Variants in CCDC178 observed in about 807,000 individuals in gnomAD.
CCDC178 encodes coiled-coil domain-containing protein 178.
In CCDC178, 126 loss-of-function variants were observed where a neutral mutation model predicts 117.4. That is an observed-to-expected ratio of 1.07 (90% CI 0.93 to 1.24). The LOEUF (loss-of-function observed/expected upper bound fraction) is 1.24. Ranked by LOEUF, CCDC178 falls within the 50% of genes most tolerant of loss-of-function variation. The probability of loss-of-function intolerance (pLI) is 0.00; values close to 1 mark genes in which losing one functional copy is unlikely to be tolerated. For missense variants in CCDC178, 1,030 were observed against 986.9 expected (o/e 1.04, Z -0.59); for synonymous variants, 283 against 313.4 (o/e 0.90, Z 1.02).
intron 17 of CCDC178, 84 bp from the exon 18 acceptor site, chr18:33,223,303 T>G (rs983344117): frequency 4.4e-6 from 6 of 1,361,334 alleles, no homozygotes; most frequent in Non-Finnish European, 5.8e-6. Context: ...AAGTGACTAT[T>G]TTAATAACAA....
At chr18:33,374,940 TTG>T (rs2063344887) in intron 5 of CCDC178, among the ~76,000 whole-genome samples, 1 of 151,940 alleles carries the variant, frequency 6.6e-6, no homozygotes, top group Non-Finnish European at 1.5e-5. Context: ...CATACTGGAG[TTG>T]TGGGAGTGAG....
At position 33,212,071 on chromosome 18, in the gene CCDC178, TC is replaced by T; in HGVS notation, c.2079-17del. 1 of 1,544,990 alleles carries T rather than the reference TC, an allele frequency of 6.5e-7. No homozygotes were observed. The highest frequency in any genetic ancestry group is 8.7e-7 in the Non-Finnish European group (1 of 1,145,550). Reference sequence around the variant, plus strand: ...AAATTTGTTCCTGTGAAGAAAGAATTCCATGTGCCACTAATCAATTCACATT... The same window carrying T: ...AAATTTGTTCCTGTGAAGAAAGAATTCATGTGCCACTAATCAATTCACATT... On this transcript the variant is annotated splice_polypyrimidine_tract_variant and intron_variant, in intron 19 of 22. Transcript: ENST00000383096.
chr18:32,943,846 AT>A (rs1215210334), intron 22 of CCDC178, among the ~76,000 whole-genome samples: 4 of 152,252 alleles, frequency 2.6e-5, no homozygotes, highest in Non-Finnish European at 5.9e-5. Context: ...ACATATTAAG[AT>A]TCAACCAGAT....
At chr18:32,941,439 C>G (rs1346954338) in intron 22 of CCDC178, among the ~76,000 whole-genome samples, 1 of 152,030 alleles carries the variant, frequency 6.6e-6, no homozygotes, top group South Asian at 2.1e-4. Flanking sequence ...CATGATCTTT[C>G]AGGAGTGTTG....
intron 21 of CCDC178, among the ~76,000 whole-genome samples, chr18:33,027,238 A>C (rs1303653834): frequency 2.0e-5 from 3 of 151,862 alleles, no homozygotes; most frequent in Non-Finnish European, 4.4e-5. Flanking sequence ...AAAAGAATAA[A>C]TAACTAACAA....
At chr18:33,323,659 T>C (rs763857833) in intron 10 of CCDC178, 26 bp from the exon 11 acceptor site, 2 of 1,364,006 alleles carry the variant, frequency 1.5e-6, no homozygotes, top group African/African-American at 1.5e-5. Flanking sequence ...TTTTTGCTTA[T>C]ATTTGCACTT....
At chr18:33,297,857 C>T (rs556109563) in intron 11 of CCDC178, among the ~76,000 whole-genome samples, 29 of 152,040 alleles carry the variant, frequency 1.9e-4, no homozygotes, top group African/African-American at 4.6e-4. Context: ...CTGGCTAACA[C>T]GGTGAAACCC....
At chr18:33,108,732 G>A (rs2057740055) in intron 20 of CCDC178, among the ~76,000 whole-genome samples, 1 of 151,592 alleles carries the variant, frequency 6.6e-6, no homozygotes. Flanking sequence ...AGGTACAAAA[G>A]TCTCTCTAGC....
chr18:32,981,305 T>A (rs2144715385), intron 21 of CCDC178, among the ~76,000 whole-genome samples: 1 of 152,216 alleles, frequency 6.6e-6, no homozygotes, highest in South Asian at 2.1e-4. Flanking sequence ...ATTAAAAAAA[T>A]TGGAATGGTA....
At chr18:33,386,890 A>T (rs1222776278) in intron 5 of CCDC178, among the ~76,000 whole-genome samples, 1 of 152,170 alleles carries the variant, frequency 6.6e-6, no homozygotes, top group Non-Finnish European at 1.5e-5. Context: ...GGGAAAAAAT[A>T]AAGGGTATTC....
chr18:32,975,443 A>T (rs1352570851), intron 21 of CCDC178, among the ~76,000 whole-genome samples: 1 of 152,222 alleles, frequency 6.6e-6, no homozygotes, highest in African/African-American at 2.4e-5. Context: ...AAAAGAAAAC[A>T]GTGGACGTTT....
chr18:33,108,903 A>G (rs1202537965), intron 20 of CCDC178, among the ~76,000 whole-genome samples: 2 of 151,678 alleles, frequency 1.3e-5, no homozygotes, highest in Non-Finnish European at 3.0e-5. Flanking sequence ...GAAATTATAA[A>G]AAAATTCAGC....
At chr18:33,342,491 A>T (rs964212574) in intron 9 of CCDC178, among the ~76,000 whole-genome samples, 1 of 152,198 alleles carries the variant, frequency 6.6e-6, no homozygotes, top group South Asian at 2.1e-4. Flanking sequence ...CCCAATCTCA[A>T]CTGGAATTGT....
At chr18:33,409,157 G>A (rs1287180218) in intron 3 of CCDC178, among the ~76,000 whole-genome samples, 8 of 152,090 alleles carry the variant, frequency 5.3e-5, no homozygotes, top group South Asian at 4.1e-4. Flanking sequence ...GTGCAGAGCC[G>A]CATGCGACAT....
chr18:33,248,961 A>C lies in CCDC178; in HGVS notation c.1410-3533T>G, dbSNP rs530313418. Among the ~76,000 whole-genome samples, 6 of 152,178 alleles carry C rather than the reference A, an allele frequency of 3.9e-5. No homozygotes were observed. The South Asian group carries it at 1.0e-3, about 26-fold the overall frequency. Reference sequence around the variant, plus strand: ...TTGACTTTTTAATGATCGCCATTCTAACTGGTGTGAGATGGTATCACATTG... The same window carrying C: ...TTGACTTTTTAATGATCGCCATTCTCACTGGTGTGAGATGGTATCACATTG... On this transcript the variant is annotated intron_variant, in intron 14 of 22. Transcript: ENST00000383096.
intron 21 of CCDC178, among the ~76,000 whole-genome samples, chr18:33,031,031 C>A (rs1336147263): frequency 1.3e-5 from 2 of 151,942 alleles, no homozygotes; most frequent in Non-Finnish European, 2.9e-5. Flanking sequence ...GTCCTGGAGT[C>A]CAAAACCTGG....
intron 20 of CCDC178, among the ~76,000 whole-genome samples, chr18:33,152,407 G>A (rs775105869): frequency 2.6e-5 from 4 of 151,796 alleles, no homozygotes; most frequent in Non-Finnish European, 5.9e-5. Context: ...GACTTTCTTT[G>A]AATAATGAGA....
intron 5 of CCDC178, among the ~76,000 whole-genome samples, chr18:33,382,252 T>C (rs559739423): frequency 1.1e-4 from 17 of 152,282 alleles, no homozygotes; most frequent in Admixed American, 2.0e-4. Context: ...CCAATAGATA[T>C]ATGTATACAT....
At chr18:32,994,826 T>A (rs1279146762) in intron 21 of CCDC178, among the ~76,000 whole-genome samples, 1 of 152,204 alleles carries the variant, frequency 6.6e-6, no homozygotes, top group East Asian at 1.9e-4. Context: ...ATTATCCATG[T>A]CTGCCACAGG....
Sources: gnomAD v4.1 joint callset for allele counts (sites outside exome capture counted in the v4.1 genomes callset) on GRCh38, gnomAD v4.1.1 for gene constraint, MANE v1.5 for transcripts, NCBI Gene and HGNC (gene_info 2026-07-23, HGNC 2026-07-21) for gene names.